Variants in BCHE observed in about 807,000 individuals in gnomAD.
The protein encoded by BCHE is butyrylcholinesterase.
Under a neutral mutation model 51.3 loss-of-function variants are expected in BCHE, and 48 were observed. The observed-to-expected ratio is 0.94, with a 90% CI of 0.74 to 1.19. BCHE has a LOEUF of 1.19. BCHE is among the 50% of genes most tolerant of loss of function. The pLI is 0.00. For synonymous variants in BCHE, 251 were observed against 238.0 expected (o/e 1.05, Z -0.50); for missense variants, 847 against 708.2 (o/e 1.20, Z -2.23).
chr3:165,802,628 G>GTT (rs57147802), intron 2 of BCHE, among the ~76,000 whole-genome samples: 132 of 137,222 alleles, frequency 9.6e-4, no homozygotes, highest in Admixed American at 3.0e-3. Context: ...AGGAAAATTT[G>GTT]TTTTTTTTTT....
intron 2 of BCHE, among the ~76,000 whole-genome samples, chr3:165,799,752 CT>C: frequency 6.6e-6 from 1 of 152,110 alleles, no homozygotes; most frequent in African/African-American, 2.4e-5. Flanking sequence ...ACAAAATAAT[CT>C]TATTTCATTT....
Position 165,830,153 on chromosome 3 carries a change from T to A in BCHE, c.881A>T (p.Asn294Ile), listed in dbSNP as rs1041528997. The change falls in exon 2 of 4, where the codon AAT becomes ATT. Residue 294 changes from asparagine (N) to isoleucine (I), a missense_variant. Asn to Ile is a moderately radical substitution (Grantham distance 149, BLOSUM62 -3). Coordinates refer to ENST00000264381, the MANE Select transcript of BCHE (RefSeq NM_000055.4). ...CAGAAGAATTTCTTGGGGATCTTTATTTCTAAGACACTTGATTATTTCAGT... is the reference window on the plus strand; with the variant it reads ...CAGAAGAATTTCTTGGGGATCTTTAATTCTAAGACACTTGATTATTTCAGT... ...NETEIIKCLRNKDPQEILLNE... is the reference protein window; with the variant it reads ...NETEIIKCLRIKDPQEILLNE... 3 of 1,613,866 alleles carry A rather than the reference T, an allele frequency of 1.9e-6. No homozygotes were observed. In the African/African-American group the frequency reaches 4.0e-5, roughly 22 times the overall value.
intron 2 of BCHE, among the ~76,000 whole-genome samples, chr3:165,791,554 C>G (rs1713166868): frequency 6.6e-6 from 1 of 152,104 alleles, no homozygotes; most frequent in African/African-American, 2.4e-5. Flanking sequence ...AAGGAGCAGG[C>G]AAGGTTGATT....
chr3:165,801,756 A>G (rs1713658325), intron 2 of BCHE, among the ~76,000 whole-genome samples: 2 of 152,318 alleles, frequency 1.3e-5, no homozygotes, highest in South Asian at 4.1e-4. Flanking sequence ...AAAAAGTCAA[A>G]TGACCATTCA....
intron 2 of BCHE, among the ~76,000 whole-genome samples, chr3:165,806,466 C>T (rs79403484): frequency 1.9e-3 from 287 of 152,226 alleles, no homozygotes; most frequent in African/African-American, 6.7e-3. Flanking sequence ...TATCTGCCAG[C>T]GGTAAGTGGT....
intron 1 of BCHE, among the ~76,000 whole-genome samples, chr3:165,835,196 C>CTTTTTT (rs10653588): frequency 6.6e-6 from 1 of 151,196 alleles, no homozygotes. Flanking sequence ...GGTGACAAAT[C>CTTTTTT]TTTTTTTGTA....
intron 2 of BCHE, among the ~76,000 whole-genome samples, chr3:165,793,372 G>T (rs1713247156): frequency 6.6e-6 from 1 of 152,124 alleles, no homozygotes; most frequent in African/African-American, 2.4e-5. Context: ...GAACCAAACT[G>T]AAGTAGTCAG....
intron 3 of BCHE, chr3:165,778,509 A>T (rs750564671): frequency 6.5e-5 from 15 of 232,508 alleles, no homozygotes; most frequent in Middle Eastern, 7.1e-4. Context: ...TATAATTTAA[A>T]TTCTTTAGCA....
intron 2 of BCHE, among the ~76,000 whole-genome samples, chr3:165,802,054 C>G (rs1365711361): frequency 6.6e-6 from 1 of 152,164 alleles, no homozygotes; most frequent in African/African-American, 2.4e-5. Context: ...TCATTAATGT[C>G]CCCAACTTGC....
At chr3:165,792,640 T>C (rs1001668146) in intron 2 of BCHE, among the ~76,000 whole-genome samples, 1 of 152,202 alleles carries the variant, frequency 6.6e-6, no homozygotes, top group East Asian at 1.9e-4. Flanking sequence ...ATTATTTTGG[T>C]CAAAGGTTTT....
At chr3:165,824,203 A>G (rs917998346) in intron 2 of BCHE, among the ~76,000 whole-genome samples, 1 of 151,688 alleles carries the variant, frequency 6.6e-6, no homozygotes, top group African/African-American at 2.4e-5. Context: ...ATATAAAAAT[A>G]TATTAAAATG....
chr3:165,828,632 A>G (rs1714823443), intron 2 of BCHE, among the ~76,000 whole-genome samples: 1 of 152,156 alleles, frequency 6.6e-6, no homozygotes, highest in Non-Finnish European at 1.5e-5. Context: ...CATTTCTTGT[A>G]TAAGTAAATT....
At chr3:165,773,890 A>G (rs1204860169) in intron 3 of BCHE, among the ~76,000 whole-genome samples, 1 of 152,072 alleles carries the variant, frequency 6.6e-6, no homozygotes, top group African/African-American at 2.4e-5. Flanking sequence ...TCTCATTTAC[A>G]TATATAGTTA....
intron 2 of BCHE, among the ~76,000 whole-genome samples, chr3:165,789,516 T>C (rs1391285358): frequency 2.0e-5 from 3 of 152,114 alleles, no homozygotes; most frequent in Non-Finnish European, 4.4e-5. Flanking sequence ...TACCTAAGCC[T>C]AAAACGAGAA....
intron 2 of BCHE, among the ~76,000 whole-genome samples, chr3:165,828,578 G>A (rs1397361407): frequency 6.6e-6 from 1 of 152,076 alleles, no homozygotes; most frequent in African/African-American, 2.4e-5. Flanking sequence ...AAGATAGTGT[G>A]ATAGACTGAA....
At chr3:165,812,257 G>GA (rs1306157713) in intron 2 of BCHE, among the ~76,000 whole-genome samples, 23 of 138,568 alleles carry the variant, frequency 1.7e-4, no homozygotes, top group East Asian at 4.2e-4. Flanking sequence ...TCTATCAATG[G>GA]AAAAAAAAAT....
chr3:165,809,398 T>TCATGTGTTTTTTTTGTATGG (rs1366372910), intron 2 of BCHE, among the ~76,000 whole-genome samples: 1 of 152,124 alleles, frequency 6.6e-6, no homozygotes, highest in African/African-American at 2.4e-5. Flanking sequence ...ATTTGAATGT[T>TCATGTGTTTTTTTTGTATGG]CATGTGTTTT....
At chr3:165,794,174 A>C (rs1454868391) in intron 2 of BCHE, among the ~76,000 whole-genome samples, 4 of 152,208 alleles carry the variant, frequency 2.6e-5, no homozygotes, top group African/African-American at 9.7e-5. Context: ...ATTTAATATT[A>C]ATCCGTGAAT....
intron 2 of BCHE, among the ~76,000 whole-genome samples, chr3:165,814,250 T>C (rs1056138781): frequency 4.6e-5 from 7 of 152,102 alleles, no homozygotes; most frequent in Admixed American, 4.6e-4. Context: ...CCTCTCATTC[T>C]CTATTTCAGG....
Sources: allele counts gnomAD v4.1 joint callset (sites outside exome capture counted in the v4.1 genomes callset), GRCh38; gene constraint gnomAD v4.1.1; transcripts MANE v1.5; gene names NCBI Gene and HGNC (gene_info 2026-07-23, HGNC 2026-07-21).